The following SEMA3C variants were observed in gnomAD, a reference collection of about 807,000 sequenced individuals.
SEMA3C encodes the protein semaphorin-3C.
Under a neutral mutation model 89.4 loss-of-function variants are expected in SEMA3C, and 47 were observed. That is an observed-to-expected ratio of 0.53 (90% CI 0.42 to 0.67). SEMA3C has a LOEUF of 0.67. SEMA3C is among the 30% of genes least tolerant of loss of function. The pLI is 0.00. For synonymous variants in SEMA3C, 310 were observed against 320.2 expected (o/e 0.97, Z 0.34); for missense variants, 839 against 929.1 (o/e 0.90, Z 1.26).
chr7:80,886,274 T>C (rs1307995494), intron 2 of SEMA3C, among the ~76,000 whole-genome samples: 2 of 152,064 alleles, frequency 1.3e-5, no homozygotes, highest in East Asian at 1.9e-4. Context: ...AATAAATATA[T>C]ACCATATATG....
intron 11 of SEMA3C, among the ~76,000 whole-genome samples, chr7:80,794,951 G>T (rs1289792610): frequency 6.6e-6 from 1 of 152,158 alleles, no homozygotes; most frequent in Non-Finnish European, 1.5e-5. Context: ...TGTTTTAAAA[G>T]AAGCACCTAC....
chr7:80,868,407 G>A (rs1790979849), intron 2 of SEMA3C, among the ~76,000 whole-genome samples: 2 of 151,944 alleles, frequency 1.3e-5, no homozygotes, highest in South Asian at 4.2e-4. Context: ...AACTGGGACT[G>A]TAGACATGAG....
At chr7:80,842,554 A>G (rs1790294428) in intron 2 of SEMA3C, among the ~76,000 whole-genome samples, 1 of 152,170 alleles carries the variant, frequency 6.6e-6, no homozygotes, top group Non-Finnish European at 1.5e-5. Flanking sequence ...CGCACTTAAA[A>G]GAGGAAATGA....
chr7:80,906,082 G>A (rs1758231604), intron 2 of SEMA3C, among the ~76,000 whole-genome samples: 1 of 151,894 alleles, frequency 6.6e-6, no homozygotes, highest in South Asian at 2.1e-4. Context: ...TTCTCTTATC[G>A]ATCCATAATT....
intron 2 of SEMA3C, among the ~76,000 whole-genome samples, chr7:80,906,656 T>A (rs185828453): frequency 6.3e-4 from 96 of 152,336 alleles, no homozygotes; most frequent in African/African-American, 2.2e-3. Flanking sequence ...ATTATGCGTA[T>A]TAAAAGTGTT....
At chr7:80,779,357 C>T (rs1219013045) in intron 12 of SEMA3C, among the ~76,000 whole-genome samples, 1 of 152,070 alleles carries the variant, frequency 6.6e-6, no homozygotes, top group Non-Finnish European at 1.5e-5. Flanking sequence ...AAAAGGAATT[C>T]ATTACTCTCC....
At chr7:80,890,194 T>C (rs1791578228) in intron 2 of SEMA3C, among the ~76,000 whole-genome samples, 1 of 152,152 alleles carries the variant, frequency 6.6e-6, no homozygotes, top group Non-Finnish European at 1.5e-5. Flanking sequence ...TGATAAAATA[T>C]TACTATGGGT....
intron 13 of SEMA3C, among the ~76,000 whole-genome samples, chr7:80,762,158 A>C (rs1266497558): frequency 6.6e-6 from 1 of 152,146 alleles, no homozygotes; most frequent in Non-Finnish European, 1.5e-5. Flanking sequence ...CATTAGAACA[A>C]AAAATGAAAA....
chr7:80,884,617 G>C (rs1791429623), intron 2 of SEMA3C, among the ~76,000 whole-genome samples: 1 of 152,192 alleles, frequency 6.6e-6, no homozygotes, highest in South Asian at 2.1e-4. Context: ...GGAAAGTGTT[G>C]ATGCGAGAAT....
intron 2 of SEMA3C, among the ~76,000 whole-genome samples, chr7:80,913,475 CA>C (rs1277511264): frequency 6.6e-6 from 1 of 152,154 alleles, no homozygotes; most frequent in Admixed American, 6.6e-5. Flanking sequence ...ATTTCCAATT[CA>C]AAACTCACAC....
chr7:80,881,504 T>C (rs191625083), intron 2 of SEMA3C, among the ~76,000 whole-genome samples: 3 of 152,284 alleles, frequency 2.0e-5, no homozygotes, highest in Admixed American at 2.0e-4. Context: ...CAAGAAATAA[T>C]GAACAATTTC....
intron 2 of SEMA3C, among the ~76,000 whole-genome samples, chr7:80,896,935 G>A (rs963846288): frequency 7.9e-5 from 12 of 151,932 alleles, no homozygotes; most frequent in African/African-American, 2.9e-4. Flanking sequence ...GCTCCGTCTC[G>A]TGTTCCGATC....
chr7:80,764,563 G>GTT (rs35732349), intron 13 of SEMA3C, among the ~76,000 whole-genome samples: 14 of 150,962 alleles, frequency 9.3e-5, no homozygotes, highest in Admixed American at 4.6e-4. Flanking sequence ...CCTTGTGTAT[G>GTT]TTTTTTTTTC....
intron 2 of SEMA3C, among the ~76,000 whole-genome samples, chr7:80,866,931 A>G (rs1239288369): frequency 6.6e-6 from 1 of 152,232 alleles, no homozygotes; most frequent in African/African-American, 2.4e-5. Context: ...ACAGAGAGCA[A>G]TACGAGGCTG....
At position 80,804,095 on chromosome 7, in the gene SEMA3C, T is replaced by C. The variant is rs929919836; in HGVS notation, c.801+11A>G. ...GGTCTTTCTTCAAATCGGAACAGCA[T>C]TAATACTTACAGGACATATTCGAGC... On this transcript the variant is annotated intron_variant, in intron 8 of 17. Coordinates refer to ENST00000265361, the MANE Select transcript of SEMA3C (RefSeq NM_006379.5). 1 of 1,603,320 alleles carries C rather than the reference T, an allele frequency of 6.2e-7. No homozygotes were observed.
chr7:80,800,260 C>T (rs929970925), intron 10 of SEMA3C, among the ~76,000 whole-genome samples: 1 of 151,808 alleles, frequency 6.6e-6, no homozygotes, highest in Admixed American at 6.6e-5. Context: ...TACTGAAATG[C>T]GTAATTGTTT....
intron 2 of SEMA3C, among the ~76,000 whole-genome samples, chr7:80,867,985 G>C (rs1271019434): frequency 6.6e-6 from 1 of 152,166 alleles, no homozygotes; most frequent in African/African-American, 2.4e-5. Context: ...TGTGCTGCTA[G>C]ATTTTCTAAT....
chr7:80,906,006 T>G (rs189666139), intron 2 of SEMA3C: 1 of 684,388 alleles, frequency 1.5e-6, no homozygotes, highest in African/African-American at 1.9e-5. Context: ...GCTGGGTGAG[T>G]AGAGAGCAAA....
At chr7:80,905,449 T>G (rs2116216529) in intron 2 of SEMA3C, among the ~76,000 whole-genome samples, 1 of 152,112 alleles carries the variant, frequency 6.6e-6, no homozygotes, top group East Asian at 1.9e-4. Context: ...AGCCTGTTTG[T>G]CAGTTATCAG....
Sources: gnomAD v4.1 joint callset for allele counts (sites outside exome capture counted in the v4.1 genomes callset) on GRCh38, gnomAD v4.1.1 for gene constraint, MANE v1.5 for transcripts, NCBI Gene and HGNC (gene_info 2026-07-23, HGNC 2026-07-21) for gene names.